The following KIF16B variants were observed in gnomAD, a reference collection of about 807,000 sequenced individuals.
KIF16B encodes the protein kinesin-like protein KIF16B.
Under a neutral mutation model 156.3 loss-of-function variants are expected in KIF16B, and 98 were observed. The ratio of observed to expected loss-of-function variants is 0.63; its 90% CI spans 0.53 to 0.74. KIF16B has a LOEUF of 0.74. Among genes scored for constraint, KIF16B ranks in the 30% least tolerant of loss-of-function variants. The probability of loss-of-function intolerance (pLI) is 0.00; values close to 1 mark genes in which losing one functional copy is unlikely to be tolerated. For missense variants in KIF16B, 1,421 were observed against 1,606.5 expected (o/e 0.88, Z 1.97); for synonymous variants, 564 against 583.7 (o/e 0.97, Z 0.49).
intron 1 of KIF16B, among the ~76,000 whole-genome samples, chr20:16,554,682 G>C (rs2070783687): frequency 6.6e-6 from 1 of 152,230 alleles, no homozygotes; most frequent in Non-Finnish European, 1.5e-5. Flanking sequence ...AGAGAAGAGG[G>C]GAGAGAAGAG....
chr20:16,383,646 G>C (rs2065158796), intron 17 of KIF16B, among the ~76,000 whole-genome samples: 1 of 152,068 alleles, frequency 6.6e-6, no homozygotes, highest in Non-Finnish European at 1.5e-5. Flanking sequence ...CAGAACCTTA[G>C]GAAGGATTCC....
In KIF16B at chr20:16,374,775, A is replaced by G. The variant is rs574711653; in HGVS notation, c.3198-366T>C. 2.0e-5 allele frequency among the ~76,000 whole-genome samples: 3 copies of G among 152,332 alleles called. No individual in the cohort carries two copies. The South Asian group carries it at 6.2e-4, about 32-fold the overall frequency. ...GGACTACACATCAGGGTTCTGGTAAATACTTACGTTTGATGAAAAAGATCT... is the reference window on the plus strand; with the variant it reads ...GGACTACACATCAGGGTTCTGGTAAGTACTTACGTTTGATGAAAAAGATCT... On this transcript the variant is annotated intron_variant, in intron 19 of 25. Coordinates refer to ENST00000354981, the MANE Select transcript of KIF16B (RefSeq NM_024704.5).
chr20:16,415,513 C>CA (rs1216873719), intron 15 of KIF16B, among the ~76,000 whole-genome samples: 1 of 152,134 alleles, frequency 6.6e-6, no homozygotes, highest in African/African-American at 2.4e-5. Flanking sequence ...TCTCAGCCCA[C>CA]ATTACCCATC....
At chr20:16,331,023 T>C (rs961478615) in intron 24 of KIF16B, among the ~76,000 whole-genome samples, 4 of 152,216 alleles carry the variant, frequency 2.6e-5, no homozygotes, top group Non-Finnish European at 5.9e-5. Flanking sequence ...CAAGCCCTTG[T>C]GCCCTGCTGG....
chr20:16,440,665 C>T (rs1600403837), intron 12 of KIF16B, among the ~76,000 whole-genome samples: 1 of 152,008 alleles, frequency 6.6e-6, no homozygotes, highest in Admixed American at 6.6e-5. Flanking sequence ...TGGCTACCAC[C>T]ACACCATGGC....
chr20:16,428,250 G>A (rs1185838323), intron 14 of KIF16B, among the ~76,000 whole-genome samples: 1 of 152,116 alleles, frequency 6.6e-6, no homozygotes. Flanking sequence ...AACATACTAG[G>A]ATTGGCTCCA....
In KIF16B at chr20:16,513,671, A is replaced by C. The variant is rs865931739; in HGVS notation, c.349-748T>G. The stretch of plus-strand genomic sequence containing the variant: ...GCAAAACTACGTTTAAAAAAAAAAA[A>C]AAAAAAAAAAAACCACATGCTATGT... On this transcript the variant is annotated intron_variant, in intron 4 of 25. Coordinates refer to ENST00000354981, the MANE Select transcript of KIF16B (RefSeq NM_024704.5). Among the ~76,000 whole-genome samples, 39 of 148,754 alleles carry C rather than the reference A, an allele frequency of 2.6e-4. 1 individual carries two copies. The highest frequency in any genetic ancestry group is 6.8e-3 in the Middle Eastern group (2 of 292).
intron 23 of KIF16B, among the ~76,000 whole-genome samples, chr20:16,343,839 T>C (rs2064183542): frequency 6.6e-6 from 1 of 151,984 alleles, no homozygotes; most frequent in East Asian, 1.9e-4. Flanking sequence ...CTATTGGTAC[T>C]TCTATTTTTT....
intron 23 of KIF16B, among the ~76,000 whole-genome samples, chr20:16,350,803 A>G (rs2064323923): frequency 1.3e-5 from 2 of 151,164 alleles, no homozygotes; most frequent in African/African-American, 4.9e-5. Context: ...GGCTGTGCCT[A>G]ATGAGAGCAC....
At chr20:16,557,386 G>A (rs1024159924) in intron 1 of KIF16B, among the ~76,000 whole-genome samples, 1 of 151,946 alleles carries the variant, frequency 6.6e-6, no homozygotes, top group Non-Finnish European at 1.5e-5. Context: ...CACCATGTTG[G>A]CCAGGCTGGT....
chr20:16,496,013 A>G (rs562533673), intron 11 of KIF16B, among the ~76,000 whole-genome samples: 1 of 152,222 alleles, frequency 6.6e-6, no homozygotes, highest in Admixed American at 6.5e-5. Context: ...CTGGTGTGGT[A>G]AGACTGTCCT....
At chr20:16,345,550 AAG>A (rs2064217375) in intron 23 of KIF16B, among the ~76,000 whole-genome samples, 1 of 152,274 alleles carries the variant, frequency 6.6e-6, no homozygotes, top group Non-Finnish European at 1.5e-5. Context: ...AAAACAAAGA[AAG>A]AGAAAATCTC....
At chr20:16,514,885 C>CAAAAAAAAA (rs10564862) in intron 4 of KIF16B, among the ~76,000 whole-genome samples, 100 of 60,758 alleles carry the variant, frequency 1.6e-3, no homozygotes, top group African/African-American at 3.6e-3. Flanking sequence ...GATTCCATCT[C>CAAAAAAAAA]AAAAAAAAAA....
At chr20:16,313,525 C>T (rs535195432) in intron 24 of KIF16B, among the ~76,000 whole-genome samples, 2 of 152,308 alleles carry the variant, frequency 1.3e-5, no homozygotes, top group South Asian at 2.1e-4. Context: ...AACCAGCACT[C>T]GCATCAAGAA....
intron 24 of KIF16B, among the ~76,000 whole-genome samples, chr20:16,317,356 T>A (rs2063712556): frequency 1.3e-5 from 2 of 152,206 alleles, no homozygotes; most frequent in Admixed American, 1.3e-4. Flanking sequence ...TATATATTCC[T>A]CTCAACAACT....
At chr20:16,526,517 T>C (rs529216307) in intron 2 of KIF16B, among the ~76,000 whole-genome samples, 3 of 152,136 alleles carry the variant, frequency 2.0e-5, no homozygotes, top group African/African-American at 7.2e-5. Context: ...TCCACCAGAG[T>C]TGGGCTTTGC....
chr20:16,521,525 A>T (rs1393238254), intron 3 of KIF16B, among the ~76,000 whole-genome samples: 2 of 152,124 alleles, frequency 1.3e-5, no homozygotes, highest in African/African-American at 4.8e-5. Context: ...CTATGTGAAA[A>T]GACCAAACCT....
chr20:16,375,169 T>A (rs919825884), intron 19 of KIF16B, among the ~76,000 whole-genome samples: 1 of 152,206 alleles, frequency 6.6e-6, no homozygotes, highest in Non-Finnish European at 1.5e-5. Flanking sequence ...TCCAGCCCCA[T>A]CAGGCCAGAG....
chr20:16,544,982 T>G (rs2070349333), intron 1 of KIF16B, among the ~76,000 whole-genome samples: 1 of 152,362 alleles, frequency 6.6e-6, no homozygotes, highest in Admixed American at 6.5e-5. Flanking sequence ...AAACTTTTAA[T>G]TTTTAAATGC....
Sources: allele counts gnomAD v4.1 joint callset (sites outside exome capture counted in the v4.1 genomes callset), GRCh38; gene constraint gnomAD v4.1.1; transcripts MANE v1.5; gene names NCBI Gene and HGNC (gene_info 2026-07-23, HGNC 2026-07-21).